Variants in XKR6 observed in about 807,000 individuals in gnomAD.
XKR6 encodes XK related 6.
Under a neutral mutation model 56.7 loss-of-function variants are expected in XKR6, and 22 were observed. The observed-to-expected ratio is 0.39, with a 90% CI of 0.28 to 0.55. The LOEUF is 0.55. Among genes scored for constraint, XKR6 ranks in the 20% least tolerant of loss-of-function variants. XKR6 has a pLI of 0.66. For synonymous variants in XKR6, 524 were observed against 387.8 expected, an observed-to-expected ratio of 1.35 and a Z score of -4.13; for missense variants, 852 against 889.0, an observed-to-expected ratio of 0.96 and a Z score of 0.53.
At chr8:11,005,623 C>G (rs915294712) in intron 1 of XKR6, among the ~76,000 whole-genome samples, 3 of 152,034 alleles carry the variant, frequency 2.0e-5, no homozygotes, top group Admixed American at 6.5e-5. Flanking sequence ...TATTAACATG[C>G]AAATATGGTA....
At chr8:10,923,854 C>T (rs549956548) in intron 2 of XKR6, among the ~76,000 whole-genome samples, 63 of 152,340 alleles carry the variant, frequency 4.1e-4, no homozygotes, top group African/African-American at 1.5e-3. Context: ...AGATTACACA[C>T]GCTCACTGAG....
At chr8:10,909,760 G>C (rs1800294367) in intron 2 of XKR6, among the ~76,000 whole-genome samples, 2 of 152,160 alleles carry the variant, frequency 1.3e-5, no homozygotes, top group African/African-American at 4.8e-5. Context: ...GGAAGAAAAG[G>C]AATTCACATT....
intron 1 of XKR6, among the ~76,000 whole-genome samples, chr8:11,101,373 G>A (rs1563136651): frequency 6.6e-6 from 1 of 152,202 alleles, no homozygotes; most frequent in South Asian, 2.1e-4. Flanking sequence ...ACTGTACACG[G>A]CTGAGAACAA....
intron 1 of XKR6, among the ~76,000 whole-genome samples, chr8:11,189,460 G>C (rs1323318255): frequency 2.0e-5 from 3 of 152,136 alleles, no homozygotes; most frequent in Non-Finnish European, 4.4e-5. Flanking sequence ...GGTTAATACA[G>C]ACTTTTTGCC....
At chr8:11,193,868 A>C (rs1436879390) in intron 1 of XKR6, among the ~76,000 whole-genome samples, 1 of 151,826 alleles carries the variant, frequency 6.6e-6, no homozygotes, top group Non-Finnish European at 1.5e-5. Context: ...AACAGATTAC[A>C]AAAAAAAGAC....
At position 11,040,621 on chromosome 8, in the gene XKR6, A is replaced by G. The variant is rs1355163685; in HGVS notation, c.765-115791T>C. 2.0e-5 allele frequency among the ~76,000 whole-genome samples: 3 copies of G among 152,136 alleles called. No individual in the cohort carries two copies. The East Asian group carries it at 5.8e-4, about 29-fold the overall frequency. The stretch of plus-strand genomic sequence containing the variant: ...CTGAAGGCTTGGGAGTCCAAGATGA[A>G]GGCAGATTTGGTGTCTGGTGAGGGC... On this transcript the variant is annotated intron_variant, in intron 1 of 2. Transcript: ENST00000416569.
At chr8:11,137,970 A>C (rs1800492366) in intron 1 of XKR6, 3 of 322,410 alleles carry the variant, frequency 9.3e-6, no homozygotes, top group Non-Finnish European at 1.8e-5. Context: ...ATTCTCTCTA[A>C]TGCCCTGATG....
At chr8:11,139,973 TTTCCTTTTTAAAG>T (rs1384374988) in intron 1 of XKR6, among the ~76,000 whole-genome samples, 1 of 152,144 alleles carries the variant, frequency 6.6e-6, no homozygotes, top group Non-Finnish European at 1.5e-5. Context: ...GCCAGAATGA[TTTCCTTTTTAAAG>T]TTCAAAAAGC....
intron 1 of XKR6, among the ~76,000 whole-genome samples, chr8:10,951,138 A>G (rs1019308116): frequency 6.6e-6 from 1 of 152,200 alleles, no homozygotes; most frequent in Non-Finnish European, 1.5e-5. Context: ...GTGCCCAGGA[A>G]GTCTGGAGGC....
At chr8:10,976,753 GTCTCTCTCTC>G (rs5889354) in intron 1 of XKR6, among the ~76,000 whole-genome samples, 2 of 149,208 alleles carry the variant, frequency 1.3e-5, no homozygotes, top group Non-Finnish European at 1.5e-5. Flanking sequence ...TACCTCGCCT[GTCTCTCTCTC>G]TCTCTCTCTC....
chr8:11,032,947 G>A (rs575842029), intron 1 of XKR6, among the ~76,000 whole-genome samples: 100 of 152,314 alleles, frequency 6.6e-4, no homozygotes, highest in African/African-American at 2.3e-3. Flanking sequence ...CAACGATGAT[G>A]ATGGTACCGA....
intron 1 of XKR6, among the ~76,000 whole-genome samples, chr8:11,127,660 G>GC (rs1209315471): frequency 6.6e-6 from 1 of 152,014 alleles, no homozygotes; most frequent in Non-Finnish European, 1.5e-5. Context: ...CACTTAGGAG[G>GC]CCCCTTGTGG....
chr8:10,931,058 A>C (rs780415704), intron 1 of XKR6, among the ~76,000 whole-genome samples: 3 of 152,226 alleles, frequency 2.0e-5, no homozygotes, highest in Non-Finnish European at 2.9e-5. Flanking sequence ...CAAGAAGCTC[A>C]TATAAATAAT....
At chr8:11,013,147 G>A (rs556857799) in intron 1 of XKR6, among the ~76,000 whole-genome samples, 17 of 152,266 alleles carry the variant, frequency 1.1e-4, no homozygotes, top group Admixed American at 1.0e-3. Context: ...AACACCATGA[G>A]GCATTTAATC....
intron 2 of XKR6, among the ~76,000 whole-genome samples, chr8:10,916,567 C>A (rs1291845128): frequency 6.6e-6 from 1 of 152,242 alleles, no homozygotes; most frequent in Non-Finnish European, 1.5e-5. Flanking sequence ...ACCGATCCAA[C>A]TGATCCAACC....
intron 1 of XKR6, among the ~76,000 whole-genome samples, chr8:11,100,875 G>A (rs1798447297): frequency 6.6e-6 from 1 of 152,194 alleles, no homozygotes; most frequent in Non-Finnish European, 1.5e-5. Context: ...TTTGAAAGGT[G>A]GCCGCAAATG....
At chr8:10,984,028 C>G (rs1166745398) in intron 1 of XKR6, among the ~76,000 whole-genome samples, 2 of 152,088 alleles carry the variant, frequency 1.3e-5, no homozygotes, top group African/African-American at 4.8e-5. Context: ...AACTATGGAC[C>G]AATCTTACTT....
At chr8:11,100,083 ACT>A (rs1311538756) in intron 1 of XKR6, among the ~76,000 whole-genome samples, 2 of 152,138 alleles carry the variant, frequency 1.3e-5, no homozygotes, top group East Asian at 3.9e-4. Context: ...GCAGGGTCTA[ACT>A]CTGTCGCCCA....
intron 2 of XKR6, among the ~76,000 whole-genome samples, chr8:10,913,676 G>A (rs756334794): frequency 6.6e-6 from 1 of 152,238 alleles, no homozygotes; most frequent in Non-Finnish European, 1.5e-5. Context: ...AGCCGTCGAT[G>A]CAGATGCGGA....
Sources: allele counts gnomAD v4.1 joint callset (sites outside exome capture counted in the v4.1 genomes callset), GRCh38; gene constraint gnomAD v4.1.1; transcripts MANE v1.5; gene names NCBI Gene and HGNC (gene_info 2026-07-23, HGNC 2026-07-21).